Variants in GPR158 observed in about 807,000 individuals in gnomAD.
GPR158 encodes the protein G protein-coupled receptor 158.
Under a neutral mutation model 78.2 loss-of-function variants are expected in GPR158, and 30 were observed. That is an observed-to-expected ratio of 0.38 (90% confidence interval 0.29 to 0.52). The LOEUF is 0.52. Among genes scored for constraint, GPR158 ranks in the 20% least tolerant of loss-of-function variants. GPR158 has a pLI of 0.83. For synonymous variants in GPR158, 581 were observed against 591.1 expected, an observed-to-expected ratio of 0.98 and a Z score of 0.25; for missense variants, 1,463 against 1,523.5, an observed-to-expected ratio of 0.96 and a Z score of 0.66.
At chr10:25,406,578 T>C (rs1379552770) in intron 3 of GPR158, among the ~76,000 whole-genome samples, 3 of 152,156 alleles carry the variant, frequency 2.0e-5, no homozygotes, top group Non-Finnish European at 4.4e-5. Flanking sequence ...GTCAGTGCTA[T>C]GAAGTTAAAA....
At chr10:25,526,103 T>TAAA (rs4017850) in intron 5 of GPR158, among the ~76,000 whole-genome samples, 76 of 69,196 alleles carry the variant, frequency 1.1e-3, no homozygotes, top group African/African-American at 3.4e-3. Flanking sequence ...CAATTTTGTC[T>TAAA]AAAAAAAAAA....
At chr10:25,464,529 CT>C (rs1163447413) in intron 4 of GPR158, among the ~76,000 whole-genome samples, 1 of 152,158 alleles carries the variant, frequency 6.6e-6, no homozygotes, top group Non-Finnish European at 1.5e-5. Context: ...ATTTTGCATA[CT>C]TCATATTTAA....
In GPR158 at chr10:25,288,201, C is replaced by G. The variant is rs1270108122; in HGVS notation, c.1008+67044C>G. On this transcript the variant is annotated intron_variant, in intron 2 of 10. Coordinates refer to ENST00000376351, the MANE Select transcript of GPR158 (RefSeq NM_020752.3). The stretch of plus-strand genomic sequence containing the variant: ...GGCACTGTGAGGTCAACCACTTGCT[C>G]AAGTCATCCTACCTCCTAAATAGTA... 4.6e-5 allele frequency among the ~76,000 whole-genome samples: 7 copies of G among 152,310 alleles called. No individual in the cohort carries two copies. The East Asian group carries it at 1.3e-3, about 29-fold the overall frequency.
chr10:25,529,383 C>CAA (rs144940987), intron 5 of GPR158, among the ~76,000 whole-genome samples: 8 of 146,770 alleles, frequency 5.5e-5, no homozygotes, highest in African/African-American at 2.0e-4. Context: ...CGAGACTCCT[C>CAA]AAAAAAAAAA....
chr10:25,257,902 G>T (rs1853912834), intron 2 of GPR158, among the ~76,000 whole-genome samples: 1 of 152,148 alleles, frequency 6.6e-6, no homozygotes. Context: ...AAAATGAAGA[G>T]ATGAAAAATC....
At chr10:25,432,232 A>G (rs1264945530) in intron 4 of GPR158, among the ~76,000 whole-genome samples, 1 of 152,158 alleles carries the variant, frequency 6.6e-6, no homozygotes, top group Non-Finnish European at 1.5e-5. Flanking sequence ...TATATTCTCT[A>G]TTTCCACGAG....
At chr10:25,588,404 T>C (rs34372366) in intron 7 of GPR158, among the ~76,000 whole-genome samples, 7,653 of 152,286 alleles carry the variant, frequency 0.05, 239 homozygotes, top group Admixed American at 0.084. Flanking sequence ...AACAAGGTGA[T>C]TGTGAATTTT....
intron 2 of GPR158, among the ~76,000 whole-genome samples, chr10:25,332,005 A>C (rs2130493348): frequency 6.6e-6 from 1 of 152,228 alleles, no homozygotes; most frequent in East Asian, 1.9e-4. Flanking sequence ...AAAGTGAAAA[A>C]AAAAGTTAAA....
chr10:25,328,755 C>T (rs1855071592), intron 2 of GPR158, among the ~76,000 whole-genome samples: 1 of 151,448 alleles, frequency 6.6e-6, no homozygotes, highest in African/African-American at 2.4e-5. Flanking sequence ...GATGAAACCC[C>T]GTCTGTACTA....
chr10:25,398,402 C>T (rs1834396748), intron 3 of GPR158, among the ~76,000 whole-genome samples: 1 of 152,130 alleles, frequency 6.6e-6, no homozygotes, highest in Non-Finnish European at 1.5e-5. Flanking sequence ...ATGGTCCAGA[C>T]ATAACATATG....
In GPR158 at chr10:25,589,110, T is replaced by G; in HGVS notation, c.1857T>G (p.Asn619Lys). 6.2e-7 allele frequency: 1 copy of G among 1,612,626 alleles called. No individual in the cohort carries two copies. Among genetic ancestry groups the G allele is most frequent in the Non-Finnish European group, 8.5e-7 (1 of 1,178,888 alleles). ...GCTATATGGCTGTTGCAGTTCACAA[T>G]GAGCTCATCATCTCTGCTATATTCC... The part of the protein sequence containing the change: ...EPRYMAVAVH[N>K]ELIISAIFHT... Residue 619 changes from asparagine (N) to lysine (K), a missense_variant, in exon 8 of 11, where the codon AAT (asparagine) becomes AAG (lysine). Coordinates refer to ENST00000376351, the MANE Select transcript of GPR158 (RefSeq NM_020752.3).
chr10:25,542,718 G>C (rs1270430609), intron 5 of GPR158, among the ~76,000 whole-genome samples: 1 of 151,052 alleles, frequency 6.6e-6, no homozygotes, highest in Non-Finnish European at 1.5e-5. Flanking sequence ...TGGCTACTTG[G>C]GAGGCTGAGG....
intron 2 of GPR158, among the ~76,000 whole-genome samples, chr10:25,380,704 A>G (rs1834142586): frequency 6.6e-6 from 1 of 152,182 alleles, no homozygotes; most frequent in Non-Finnish European, 1.5e-5. Context: ...TGGAATTAGG[A>G]GTAATAATTA....
chr10:25,557,087 T>C (rs1836795860), intron 6 of GPR158, among the ~76,000 whole-genome samples: 1 of 152,236 alleles, frequency 6.6e-6, no homozygotes, highest in Non-Finnish European at 1.5e-5. Flanking sequence ...TTCATGATTT[T>C]ATTAATCGAG....
intron 4 of GPR158, among the ~76,000 whole-genome samples, chr10:25,451,946 C>T (rs1240156265): frequency 6.6e-6 from 1 of 152,222 alleles, no homozygotes; most frequent in Non-Finnish European, 1.5e-5. Context: ...TCTAGGTCCC[C>T]GTTTTACCCA....
At chr10:25,526,089 A>G (rs1372460896) in intron 5 of GPR158, among the ~76,000 whole-genome samples, 2 of 137,786 alleles carry the variant, frequency 1.5e-5, no homozygotes, top group Non-Finnish European at 3.0e-5. Context: ...CCTGGGCGAC[A>G]GTCCAATTTT....
intron 2 of GPR158, among the ~76,000 whole-genome samples, chr10:25,369,783 G>A (rs1438153034): frequency 6.6e-6 from 1 of 152,040 alleles, no homozygotes; most frequent in African/African-American, 2.4e-5. Flanking sequence ...ATTCGGCTGT[G>A]AATCCATCTG....
intron 3 of GPR158, among the ~76,000 whole-genome samples, chr10:25,402,838 T>A (rs1834465787): frequency 6.6e-6 from 1 of 151,942 alleles, no homozygotes; most frequent in African/African-American, 2.4e-5. Context: ...GTGGGTTAAT[T>A]AGATATTTGT....
At chr10:25,360,687 G>C (rs1855623654) in intron 2 of GPR158, among the ~76,000 whole-genome samples, 1 of 152,078 alleles carries the variant, frequency 6.6e-6, no homozygotes, top group Admixed American at 6.6e-5. Context: ...TTGAAGTCAG[G>C]TAGCGTGATG....
Sources: allele counts gnomAD v4.1 joint callset (sites outside exome capture counted in the v4.1 genomes callset), GRCh38; gene constraint gnomAD v4.1.1; transcripts MANE v1.5; gene names NCBI Gene and HGNC (gene_info 2026-07-23, HGNC 2026-07-21).